OXR1: variants seen among roughly 807,000 people sequenced by gnomAD.
The protein encoded by OXR1 is oxidation resistance 1, also known as oxidation resistance protein 1.
OXR1 carries 41 observed loss-of-function variants against 104.6 expected under a neutral mutation model. That is an observed-to-expected ratio of 0.39 (90% CI 0.31 to 0.51). OXR1 has a LOEUF of 0.51. OXR1 is among the 20% of genes least tolerant of loss of function. The probability of loss-of-function intolerance (pLI) is 0.77; values close to 1 mark genes in which losing one functional copy is unlikely to be tolerated. For synonymous variants in OXR1, 348 were observed against 348.4 expected (o/e 1.00, Z 0.01); for missense variants, 955 against 1,031.9 (o/e 0.93, Z 1.02).
At chr8:106,417,297 A>G (rs1286354557) in intron 2 of OXR1, among the ~76,000 whole-genome samples, 1 of 152,144 alleles carries the variant, frequency 6.6e-6, no homozygotes, top group Non-Finnish European at 1.5e-5. Flanking sequence ...TTGGAACTCC[A>G]CTATTATGCA....
intron 11 of OXR1, among the ~76,000 whole-genome samples, chr8:106,722,354 G>A (rs974151277): frequency 2.6e-5 from 4 of 151,378 alleles, no homozygotes; most frequent in East Asian, 1.9e-4. Context: ...AATACTGATC[G>A]AATAATCAAA....
intron 1 of OXR1, among the ~76,000 whole-genome samples, chr8:106,352,402 A>G (rs907521949): frequency 6.6e-6 from 1 of 152,236 alleles, no homozygotes; most frequent in African/African-American, 2.4e-5. Flanking sequence ...TACAACTTCT[A>G]TGAAAGGGAG....
intron 2 of OXR1, among the ~76,000 whole-genome samples, chr8:106,363,220 C>T (rs1252150081): frequency 6.6e-6 from 1 of 152,152 alleles, no homozygotes; most frequent in Non-Finnish European, 1.5e-5. Context: ...GTAATGACTG[C>T]TCTTTTTGGA....
chr8:106,320,062 G>A (rs58746479), intron 1 of OXR1, among the ~76,000 whole-genome samples: 95 of 152,262 alleles, frequency 6.2e-4, no homozygotes, highest in African/African-American at 2.3e-3. Context: ...TAGAGCAGTG[G>A]TAACTATGAT....
chr8:106,608,816 G>A (rs1250952185), intron 3 of OXR1, among the ~76,000 whole-genome samples: 2 of 152,148 alleles, frequency 1.3e-5, no homozygotes, highest in Non-Finnish European at 2.9e-5. Flanking sequence ...GCTGCTCATT[G>A]TGCTTCTCTG....
intron 1 of OXR1, among the ~76,000 whole-genome samples, chr8:106,330,151 A>G (rs1814650584): frequency 6.6e-6 from 1 of 152,198 alleles, no homozygotes; most frequent in Non-Finnish European, 1.5e-5. Context: ...TGAACAGTAT[A>G]AAGTTAGTAA....
chr8:106,504,559 A>G (rs1812029010), intron 2 of OXR1, among the ~76,000 whole-genome samples: 1 of 152,198 alleles, frequency 6.6e-6, no homozygotes. Flanking sequence ...CATTTACTTA[A>G]TGTATAGCAC....
chr8:106,469,326 T>C (rs1414327819), intron 2 of OXR1, among the ~76,000 whole-genome samples: 1 of 151,836 alleles, frequency 6.6e-6, no homozygotes, highest in South Asian at 2.1e-4. Context: ...ATATCTTCTC[T>C]GAATCTATGT....
At chr8:106,448,134 C>G (rs1586653398) in intron 2 of OXR1, 1 of 1,401,642 alleles carries the variant, frequency 7.1e-7, no homozygotes, top group Non-Finnish European at 9.7e-7. Flanking sequence ...AAATAGCTCT[C>G]TGATTTCTGT....
intron 3 of OXR1, among the ~76,000 whole-genome samples, chr8:106,556,211 G>A (rs1195737016): frequency 2.0e-5 from 3 of 151,958 alleles, no homozygotes; most frequent in Non-Finnish European, 4.4e-5. Flanking sequence ...AAATATTTTG[G>A]AACTGGATAG....
intron 3 of OXR1, among the ~76,000 whole-genome samples, chr8:106,561,241 G>A (rs1816655783): frequency 6.6e-6 from 1 of 152,134 alleles, no homozygotes; most frequent in African/African-American, 2.4e-5. Flanking sequence ...AATTCTTGCT[G>A]CCAGCAAAAC....
At chr8:106,555,928 G>GTATATATATA (rs371162000) in intron 3 of OXR1, among the ~76,000 whole-genome samples, 13,386 of 142,174 alleles carry the variant, frequency 0.094, 834 homozygotes, top group East Asian at 0.16. Context: ...GTATATATAT[G>GTATATATATA]TACATATATA....
At chr8:106,311,209 A>G (rs1813685793) in intron 1 of OXR1, among the ~76,000 whole-genome samples, 1 of 151,890 alleles carries the variant, frequency 6.6e-6, no homozygotes, top group Non-Finnish European at 1.5e-5. Context: ...TTAAATTTCA[A>G]CGATAATTTT....
intron 3 of OXR1, among the ~76,000 whole-genome samples, chr8:106,545,369 A>G (rs1815274006): frequency 6.6e-6 from 1 of 152,244 alleles, no homozygotes; most frequent in African/African-American, 2.4e-5. Context: ...ATGTACAAAA[A>G]TCAATAACTA....
intron 2 of OXR1, among the ~76,000 whole-genome samples, chr8:106,413,282 T>C (rs1006210002): frequency 6.6e-6 from 1 of 152,114 alleles, no homozygotes; most frequent in Non-Finnish European, 1.5e-5. Context: ...AAATGTGTAT[T>C]CAAGCACATA....
chr8:106,556,404 T>A (rs2130456713), intron 3 of OXR1, among the ~76,000 whole-genome samples: 1 of 152,264 alleles, frequency 6.6e-6, no homozygotes, highest in East Asian at 1.9e-4. Flanking sequence ...AAGGAAAGCA[T>A]CTCCAAGGAA....
chr8:106,355,029 G>GT (rs1815905082), intron 1 of OXR1, among the ~76,000 whole-genome samples: 1 of 151,956 alleles, frequency 6.6e-6, no homozygotes, highest in African/African-American at 2.4e-5. Context: ...AAGAGAGAGG[G>GT]TTTATTAAAT....
intron 2 of OXR1, among the ~76,000 whole-genome samples, chr8:106,370,974 A>T (rs985339283): frequency 1.3e-5 from 2 of 151,512 alleles, no homozygotes; most frequent in Non-Finnish European, 1.5e-5. Context: ...AAGGAATGGT[A>T]CCAGCTCCTC....
chr8:106,748,041 G>A (rs191800036), intron 16 of OXR1, among the ~76,000 whole-genome samples: 5 of 152,000 alleles, frequency 3.3e-5, no homozygotes, highest in African/African-American at 9.7e-5. Flanking sequence ...TAGTCTATTC[G>A]CGCTTTTAAG....
Sources: allele counts gnomAD v4.1 joint callset (sites outside exome capture counted in the v4.1 genomes callset), GRCh38; gene constraint gnomAD v4.1.1; transcripts MANE v1.5; gene names NCBI Gene and HGNC (gene_info 2026-07-23, HGNC 2026-07-21).